The following CFHR4 variants were observed in gnomAD, a reference collection of about 807,000 sequenced individuals.
CFHR4 encodes the protein complement factor H-related protein 4.
A neutral mutation model predicts 69.3 loss-of-function variants in CFHR4; 64 were observed. The observed-to-expected ratio is 0.92, with a 90% CI of 0.76 to 1.14. CFHR4 has a LOEUF of 1.14. Ranked by LOEUF, CFHR4 falls within the 50% of genes most tolerant of loss-of-function variation. The pLI is 0.00. For missense variants in CFHR4, 636 were observed against 684.9 expected (o/e 0.93, Z 0.80); for synonymous variants, 244 against 237.0 (o/e 1.03, Z -0.27).
In CFHR4 at chr1:196,907,397, G is replaced by C. The variant is rs543077473; in HGVS notation, c.698G>C (p.Trp233Ser). Reference protein sequence around the residue: ...TSFPQKVYLPWSRVEYQCQSY... With the variant: ...TSFPQKVYLPSSRVEYQCQSY... ...TTCCCGCAAAAAGTGTATCTGCCAT[G>C]GTCAAGAGTCGAGTACCAGTGCCAG... Residue 233 changes from tryptophan to serine, a missense_variant, in exon 5 of 10, where the codon TGG (tryptophan) becomes TCG (serine). Trp to Ser is a radical substitution (Grantham distance 177). Coordinates refer to ENST00000608469, the MANE Select transcript of CFHR4 (RefSeq NM_001201550.3). 1 of 1,611,876 alleles carries C rather than the reference G, an allele frequency of 6.2e-7. No individual in the cohort carries two copies. The highest frequency in any genetic ancestry group is 1.1e-5 in the South Asian group (1 of 91,012).
At position 196,905,264 on chromosome 1, in the gene CFHR4, G is replaced by A. The variant is rs779625743; in HGVS notation, c.413G>A (p.Gly138Glu). The change falls in exon 3 of 10, where the codon GGA (glycine) becomes GAA (glutamate). Residue 138 changes from glycine (G) to glutamate (E), a missense_variant. Physicochemically the swap from Gly to Glu is moderately conservative, Grantham distance 98. Transcript: ENST00000608469. The stretch of plus-strand genomic sequence containing the variant: ...GGATCAATTACATGTTTGCAAAATG[G>A]ATGGTCAACACAACCAATTTGCATT... ...SSGSITCLQNGWSTQPICIKF... is the reference protein window; with the variant it reads ...SSGSITCLQNEWSTQPICIKF... The A allele has an allele frequency of 9.9e-6, 16 of 1,611,224 alleles. No homozygotes were observed. The highest frequency in any genetic ancestry group is 5.1e-6 in the Non-Finnish European group (6 of 1,178,758).
chr1:196,904,215 A>G (rs1657775031), intron 2 of CFHR4, among the ~76,000 whole-genome samples: 1 of 151,620 alleles, frequency 6.6e-6, no homozygotes, highest in Non-Finnish European at 1.5e-5. Flanking sequence ...TATCGAAAAT[A>G]AAATTGTTTA....
At chr1:196,893,793 A>T (rs1657149590) in intron 1 of CFHR4, among the ~76,000 whole-genome samples, 1 of 151,584 alleles carries the variant, frequency 6.6e-6, no homozygotes, top group South Asian at 2.1e-4. Flanking sequence ...TTTGCTTGTT[A>T]TTTGGGAATA....
intron 2 of CFHR4, among the ~76,000 whole-genome samples, chr1:196,904,766 A>C (rs766975742): frequency 1.4e-4 from 21 of 151,506 alleles, no homozygotes; most frequent in Non-Finnish European, 2.6e-4. Context: ...GAAGTCTAAG[A>C]CCTCTTAATA....
At position 196,896,545 on chromosome 1, in the gene CFHR4, C is replaced by G. The variant is rs148892185; in HGVS notation, c.59-5873C>G. ...CACAAATCTCAAATATTTGAAGAAT[C>G]GAGTTGTTTTCGACACTCTGGCTCC... On this transcript the variant is annotated intron_variant, in intron 1 of 9. Coordinates refer to ENST00000608469, the MANE Select transcript of CFHR4 (RefSeq NM_001201550.3). 6.8e-3 allele frequency among the ~76,000 whole-genome samples: 1,036 copies of G among 151,670 alleles called. 44 individuals carry two copies. The highest frequency in any genetic ancestry group is 0.024 in the African/African-American group (994 of 41,184).
chr1:196,912,018 T>C (rs1658295313), intron 6 of CFHR4, among the ~76,000 whole-genome samples: 1 of 151,322 alleles, frequency 6.6e-6, no homozygotes, highest in Middle Eastern at 3.2e-3. Flanking sequence ...TAATTACTAA[T>C]TAGAAAAGAA....
At position 196,918,450 on chromosome 1, in the gene CFHR4, A is replaced by G; in HGVS notation, c.*44A>G. 6.5e-7 allele frequency: 1 copy of G among 1,536,980 alleles called. No homozygotes were observed. Among genetic ancestry groups the G allele is most frequent in the Non-Finnish European group, 9.0e-7 (1 of 1,112,746 alleles). ...AATGTATGTCCAACTTCCACTTCTC[A>G]CTCTTATGGTCTCAAAGCTTGCAAA... On this transcript the variant is annotated 3_prime_UTR_variant, in exon 10 of 10. Coordinates refer to ENST00000608469, the MANE Select transcript of CFHR4 (RefSeq NM_001201550.3).
chr1:196,902,821 G>A (rs961944623), intron 2 of CFHR4, among the ~76,000 whole-genome samples: 2 of 151,386 alleles, frequency 1.3e-5, no homozygotes, highest in African/African-American at 2.4e-5. Flanking sequence ...TGAGAATACC[G>A]ATATAATTTA....
chr1:196,917,029 A>G (rs1232937273), intron 9 of CFHR4, among the ~76,000 whole-genome samples: 2 of 151,818 alleles, frequency 1.3e-5, no homozygotes, highest in African/African-American at 4.8e-5. Flanking sequence ...AGTTCAAATA[A>G]TATTTATTTT....
In CFHR4 at chr1:196,910,273, G is replaced by T. The variant is rs1456245288; in HGVS notation, c.800-8G>T. On this transcript the variant is annotated splice_polypyrimidine_tract_variant and splice_region_variant and intron_variant, in intron 5 of 9. Coordinates refer to ENST00000608469, the MANE Select transcript of CFHR4 (RefSeq NM_001201550.3). ...ATTATTTATACTATTTTTGTTTTTT[G>T]TTACAAGCAATGAAACCTTGTGAGT... 5.9e-6 allele frequency: 9 copies of T among 1,530,900 alleles called. No homozygotes were observed. The Admixed American group carries it at 7.4e-5, about 13-fold the overall frequency. The allele number at this position is 1,530,900 out of a possible 1,614,324, so 94.8% of individuals were successfully genotyped here.
In CFHR4 at chr1:196,905,397, A is replaced by G. The variant is rs1657856003; in HGVS notation, c.439+107A>G. On this transcript the variant is annotated intron_variant, in intron 3 of 9. Transcript: ENST00000608469. ...AGAAAACACTTTTAGGAGTAAAGAG[A>G]TATAAATACTTCTAACATCATCTAA... The G allele has an allele frequency of 2.7e-6, 4 of 1,457,360 alleles. No individual in the cohort carries two copies. The South Asian group carries it at 3.8e-5, about 14-fold the overall frequency. 90.3% of individuals were successfully genotyped at this position (1,457,360 alleles called of 1,614,324 possible).
chr1:196,912,915 T>A lies in CFHR4; in HGVS notation c.1173T>A (p.Ile391=), dbSNP rs755445759. 1 of 1,611,496 alleles carries A rather than the reference T, an allele frequency of 6.2e-7. No homozygotes were observed. The highest frequency in any genetic ancestry group is 2.2e-5 in the East Asian group (1 of 44,712). ...AAAATGGATGGTCAGCACAACCAAT[T>A]TGCATTAGTAAGTGATTTACATATT... ...CLQNGWSAQP[I]CIKFCDMPVF... Residue 391 remains isoleucine, a synonymous_variant, in exon 7 of 10, where the codon ATT becomes ATA. Transcript: ENST00000608469.
intron 1 of CFHR4, among the ~76,000 whole-genome samples, chr1:196,901,287 A>G (rs1325959987): frequency 6.6e-6 from 1 of 151,386 alleles, no homozygotes; most frequent in Non-Finnish European, 1.5e-5. Flanking sequence ...TGGTGAAGAG[A>G]AATATGGACT....
At chr1:196,910,571 G>C (rs1017937231) in intron 6 of CFHR4, 93 bp downstream of exon 6, 2 of 1,048,164 alleles carry the variant, frequency 1.9e-6, no homozygotes, top group Admixed American at 4.2e-5. Flanking sequence ...TTATATGACA[G>C]AGATGGTACC....
At chr1:196,896,580 T>G (rs1657306894) in intron 1 of CFHR4, among the ~76,000 whole-genome samples, 2 of 151,656 alleles carry the variant, frequency 1.3e-5, no homozygotes, top group South Asian at 4.1e-4. Flanking sequence ...CCCGCTGCTA[T>G]GTGCAGGTTG....
At chr1:196,896,482 G>A (rs1657301853) in intron 1 of CFHR4, among the ~76,000 whole-genome samples, 1 of 151,484 alleles carries the variant, frequency 6.6e-6, no homozygotes, top group African/African-American at 2.4e-5. Flanking sequence ...CTATCTTTCT[G>A]TCTGCATCTC....
At chr1:196,904,092 TCAA>T (rs1657767573) in intron 2 of CFHR4, among the ~76,000 whole-genome samples, 1 of 151,652 alleles carries the variant, frequency 6.6e-6, no homozygotes, top group African/African-American at 2.4e-5. Flanking sequence ...AGCACTGCCC[TCAA>T]CAACAGCCTA....
chr1:196,907,544 T>C lies in CFHR4; in HGVS notation c.799+46T>C. 4 of 1,498,074 alleles carry C rather than the reference T, an allele frequency of 2.7e-6. No individual in the cohort carries two copies. In the South Asian group the frequency reaches 4.6e-5, roughly 17 times the overall value. The allele number at this position is 1,498,074 out of a possible 1,614,324, so 92.8% of individuals were successfully genotyped here. On this transcript the variant is annotated intron_variant, in intron 5 of 9. Coordinates refer to ENST00000608469, the MANE Select transcript of CFHR4 (RefSeq NM_001201550.3). ...ATCTGAGAAAATTAGAGTAATAACT[T>C]TGATCCTTGTTTATTTATACTAAAA...
At chr1:196,901,193 T>C (rs1438736613) in intron 1 of CFHR4, among the ~76,000 whole-genome samples, 1 of 151,030 alleles carries the variant, frequency 6.6e-6, no homozygotes, top group Non-Finnish European at 1.5e-5. Context: ...ATCAGAGTAA[T>C]TAAGATGCTA....
Sources: gnomAD v4.1 joint callset for allele counts (sites outside exome capture counted in the v4.1 genomes callset) on GRCh38, gnomAD v4.1.1 for gene constraint, MANE v1.5 for transcripts, NCBI Gene and HGNC (gene_info 2026-07-23, HGNC 2026-07-21) for gene names.